MGAT5: variants seen among roughly 807,000 people sequenced by gnomAD.
MGAT5 encodes alpha-1,6-mannosylglycoprotein 6-beta-N-acetylglucosaminyltransferase, also known as alpha-1,6-mannosylglycoprotein 6-beta-N-acetylglucosaminyltransferase A.
A neutral mutation model predicts 94.3 loss-of-function variants in MGAT5; 30 were observed. The observed-to-expected ratio is 0.32, with a 90% CI of 0.24 to 0.43. The LOEUF (loss-of-function observed/expected upper bound fraction) is 0.43, where lower values mean the gene tolerates loss of function less well. Among genes scored for constraint, MGAT5 ranks in the 20% least tolerant of loss-of-function variants. The pLI is 1.00. For synonymous variants in MGAT5, 310 were observed against 322.9 expected (o/e 0.96, Z 0.43); for missense variants, 691 against 905.5 (o/e 0.76, Z 3.04).
chr2:134,308,811 G>T lies in MGAT5; in HGVS notation c.407-8718G>T, dbSNP rs117943113. ...GCACTTTGGAAGGCTGAGATGGGAG[G>T]ATGGCTTGAGCTCAAGAGTTTGAGA... On this transcript the variant is annotated intron_variant, in intron 2 of 15. Transcript: ENST00000281923. Among the ~76,000 whole-genome samples, 44 of 152,308 alleles carry T rather than the reference G, an allele frequency of 2.9e-4. No homozygotes were observed. The East Asian group carries it at 8.5e-3, about 29-fold the overall frequency.
chr2:134,207,489 G>C (rs927581052), intron 1 of MGAT5, among the ~76,000 whole-genome samples: 3 of 151,816 alleles, frequency 2.0e-5, no homozygotes, highest in Non-Finnish European at 4.4e-5. Flanking sequence ...CCAATTGCCT[G>C]AGCCAGCCAG....
chr2:134,337,393 G>A (rs1338415429), intron 5 of MGAT5, among the ~76,000 whole-genome samples: 8 of 152,102 alleles, frequency 5.3e-5, no homozygotes, highest in African/African-American at 1.7e-4. Context: ...CAAGAGGATC[G>A]CTTGAGCGCA....
At chr2:134,282,795 A>C (rs146062931) in intron 2 of MGAT5, among the ~76,000 whole-genome samples, 1,533 of 152,280 alleles carry the variant, frequency 0.01, 13 homozygotes, top group South Asian at 0.024. Context: ...AGGCTTGTCA[A>C]GAAAGCCTCT....
chr2:134,144,335 G>T (rs919730004), intron 1 of MGAT5, among the ~76,000 whole-genome samples: 1 of 152,144 alleles, frequency 6.6e-6, no homozygotes. Flanking sequence ...CACTTCCCAT[G>T]GCCAGAGCAG....
chr2:134,266,098 A>T (rs1683693521), intron 1 of MGAT5, among the ~76,000 whole-genome samples: 1 of 144,222 alleles, frequency 6.9e-6, no homozygotes, highest in Non-Finnish European at 1.5e-5. Context: ...CAGGAGGCAG[A>T]TGCAGTGAGC....
chr2:134,139,803 C>T (rs1686581118), intron 1 of MGAT5, among the ~76,000 whole-genome samples: 1 of 152,106 alleles, frequency 6.6e-6, no homozygotes, highest in South Asian at 2.1e-4. Flanking sequence ...TAAGCAGTGC[C>T]AGAGGATGAC....
intron 1 of MGAT5, among the ~76,000 whole-genome samples, chr2:134,193,133 T>A (rs1011416789): frequency 1.4e-4 from 21 of 151,374 alleles, no homozygotes; most frequent in Non-Finnish European, 2.5e-4. Context: ...TTATTTTTTT[T>A]TTTTTTTGAG....
Position 134,191,384 on chromosome 2 carries a change from AGGTTATCGCGGGAGCGCGTG to A in MGAT5, c.-142-62858_-142-62839del, listed in dbSNP as rs943133365. 2.2e-4 allele frequency among the ~76,000 whole-genome samples: 33 copies of A among 152,292 alleles called. 1 individual carries two copies. Among genetic ancestry groups the A allele is most frequent in the Admixed American group, 1.0e-3 (16 of 15,306 alleles). ...CTCAACCCTCCTGAATAGATGAATG[AGGTTATCGCGGGAGCGCGTG>A]GGTTATCGCGGGAGCGCGTTCCTGA... On this transcript the variant is annotated intron_variant, in intron 1 of 16. Transcript: ENST00000409645.
At chr2:134,167,196 G>A (rs1444305520) in intron 1 of MGAT5, among the ~76,000 whole-genome samples, 21 of 152,314 alleles carry the variant, frequency 1.4e-4, no homozygotes, top group Admixed American at 1.0e-3. Context: ...TTAGGGGCGG[G>A]AGGGAAGGAT....
At chr2:134,418,387 CTG>C (rs1684094959) in intron 12 of MGAT5, among the ~76,000 whole-genome samples, 1 of 152,166 alleles carries the variant, frequency 6.6e-6, no homozygotes, top group South Asian at 2.1e-4. Flanking sequence ...ATTAGAGAAA[CTG>C]TGGGATCCTT....
At chr2:134,155,516 T>C (rs1206734681) in intron 1 of MGAT5, among the ~76,000 whole-genome samples, 1 of 152,260 alleles carries the variant, frequency 6.6e-6, no homozygotes, top group Non-Finnish European at 1.5e-5. Context: ...TGTTGGAATG[T>C]TGTAAGGATT....
chr2:134,264,759 A>G (rs1026818741), intron 1 of MGAT5, among the ~76,000 whole-genome samples: 13 of 152,184 alleles, frequency 8.5e-5, no homozygotes, highest in African/African-American at 3.1e-4. Context: ...TTTTTTCAAT[A>G]GCACCTTCCT....
rs1248895994 is a variant in MGAT5 at position 134,270,532 on chromosome 2, G to A, written c.388G>A (p.Glu130Lys). The A allele has an allele frequency of 1.2e-6, 2 of 1,614,148 alleles. No homozygotes were observed. Among genetic ancestry groups the A allele is most frequent in the Non-Finnish European group, 1.7e-6 (2 of 1,180,002 alleles). ...AGCTGTTCCCAGCTTGGTTGCACTT[G>A]AGAAAATTAATGTGGCAGGTAAAAA... is the stretch of plus-strand genomic sequence containing the variant. Reference protein sequence around the residue: ...TTAVPSLVALEKINVADIING... With the variant: ...TTAVPSLVALKKINVADIING... Residue 130 changes from glutamate to lysine, a missense_variant, in exon 2 of 16, where the codon GAG (glutamate) becomes AAG (lysine). Glu to Lys is a moderately conservative substitution (Grantham distance 56, BLOSUM62 1). Transcript: ENST00000281923.
chr2:134,195,107 T>C (rs1021088775), intron 1 of MGAT5, among the ~76,000 whole-genome samples: 3 of 152,138 alleles, frequency 2.0e-5, no homozygotes, highest in African/African-American at 7.2e-5. Flanking sequence ...ATATAATGCA[T>C]AGTGGAGGTT....
intron 1 of MGAT5, among the ~76,000 whole-genome samples, chr2:134,198,229 C>G (rs1355868919): frequency 6.6e-6 from 1 of 152,184 alleles, no homozygotes; most frequent in Non-Finnish European, 1.5e-5. Flanking sequence ...GCTCAGTGAG[C>G]CTGTTCACCA....
chr2:134,282,510 C>G (rs981770846), intron 2 of MGAT5, among the ~76,000 whole-genome samples: 16 of 152,164 alleles, frequency 1.1e-4, no homozygotes, highest in Non-Finnish European at 1.6e-4. Context: ...TACAGCTAAG[C>G]AAAAAGATGA....
intron 1 of MGAT5, among the ~76,000 whole-genome samples, chr2:134,138,647 C>T (rs1686527477): frequency 6.6e-6 from 1 of 152,178 alleles, no homozygotes; most frequent in Non-Finnish European, 1.5e-5. Context: ...ATACTGGGTC[C>T]TCCTGTTACC....
chr2:134,206,931 TGA>T (rs1006623484), intron 1 of MGAT5, among the ~76,000 whole-genome samples: 2 of 152,204 alleles, frequency 1.3e-5, no homozygotes, highest in Non-Finnish European at 2.9e-5. Flanking sequence ...TCTGGAACTG[TGA>T]GAGAAGAGTT....
At chr2:134,366,160 G>A (rs1308477118) in intron 10 of MGAT5, among the ~76,000 whole-genome samples, 3 of 152,122 alleles carry the variant, frequency 2.0e-5, no homozygotes, top group East Asian at 1.9e-4. Flanking sequence ...CTAATCATTC[G>A]CTCCTGCTAA....
Sources: gnomAD v4.1 joint callset for allele counts (sites outside exome capture counted in the v4.1 genomes callset) on GRCh38, gnomAD v4.1.1 for gene constraint, MANE v1.5 for transcripts, NCBI Gene and HGNC (gene_info 2026-07-23, HGNC 2026-07-21) for gene names.